Variants in NDST4 observed in about 807,000 individuals in gnomAD.
The protein encoded by NDST4 is N-deacetylase and N-sulfotransferase 4.
A neutral mutation model predicts 100.8 loss-of-function variants in NDST4; 63 were observed. That is an observed-to-expected ratio of 0.62 (90% CI 0.51 to 0.77). The LOEUF is 0.77. NDST4 is among the 30% of genes least tolerant of loss of function. The pLI is 0.00. For synonymous variants in NDST4, 377 were observed against 361.8 expected (o/e 1.04, Z -0.48); for missense variants, 943 against 1,018.4 (o/e 0.93, Z 1.01).
chr4:114,913,745 A>C (rs1333465766), intron 6 of NDST4, among the ~76,000 whole-genome samples: 3 of 137,302 alleles, frequency 2.2e-5, no homozygotes, highest in Admixed American at 7.1e-5. Context: ...AAAAAAAAAA[A>C]AAAAACACTT....
At chr4:115,062,917 A>G (rs1484046616) in intron 2 of NDST4, among the ~76,000 whole-genome samples, 1 of 151,936 alleles carries the variant, frequency 6.6e-6, no homozygotes. Flanking sequence ...TATGGTAGGA[A>G]CATATTTATA....
chr4:115,033,157 A>ATATATATATATTTT (rs1491126767), intron 2 of NDST4, among the ~76,000 whole-genome samples: 21 of 59,938 alleles, frequency 3.5e-4, no homozygotes, highest in African/African-American at 1.2e-3. Flanking sequence ...ATATATATAT[A>ATATATATATATTTT]TTTTTTTTTT....
At chr4:115,081,255 T>G (rs1729297061) in intron 1 of NDST4, among the ~76,000 whole-genome samples, 1 of 152,200 alleles carries the variant, frequency 6.6e-6, no homozygotes, top group South Asian at 2.1e-4. Flanking sequence ...GTAGGTGTTT[T>G]AACTAAAGGA....
At chr4:114,977,750 T>C (rs1033157897) in intron 2 of NDST4, among the ~76,000 whole-genome samples, 2 of 152,116 alleles carry the variant, frequency 1.3e-5, no homozygotes, top group Non-Finnish European at 2.9e-5. Flanking sequence ...ATTATTAAAT[T>C]GAAAGCTTGG....
chr4:114,888,875 AT>A (rs1724535238), intron 6 of NDST4, among the ~76,000 whole-genome samples: 1 of 151,758 alleles, frequency 6.6e-6, no homozygotes, highest in Non-Finnish European at 1.5e-5. Context: ...AGTCATTCTC[AT>A]TTTTTTTCTT....
chr4:114,942,893 T>A (rs1471364561), intron 4 of NDST4, among the ~76,000 whole-genome samples: 1 of 151,392 alleles, frequency 6.6e-6, no homozygotes, highest in Admixed American at 6.6e-5. Context: ...AAAGTACTCC[T>A]GATCAATGGT....
intron 7 of NDST4, among the ~76,000 whole-genome samples, chr4:114,867,664 GCA>G (rs1560786338): frequency 9.2e-4 from 24 of 26,070 alleles, no homozygotes; most frequent in Middle Eastern, 0.021. Context: ...AAAAAAAAAA[GCA>G]AAAAAAAAAA....
intron 2 of NDST4, among the ~76,000 whole-genome samples, chr4:115,042,065 T>C (rs191929705): frequency 6.6e-6 from 1 of 152,276 alleles, no homozygotes; most frequent in East Asian, 1.9e-4. Flanking sequence ...TATGGTTTCA[T>C]TTTCCATTTT....
intron 1 of NDST4, among the ~76,000 whole-genome samples, chr4:115,106,256 TA>T (rs1216224486): frequency 1.3e-5 from 2 of 152,156 alleles, no homozygotes; most frequent in Admixed American, 6.6e-5. Context: ...GGATCACAGA[TA>T]ACTGTTTCCT....
At chr4:114,981,407 C>T (rs1726770098) in intron 2 of NDST4, among the ~76,000 whole-genome samples, 1 of 151,980 alleles carries the variant, frequency 6.6e-6, no homozygotes, top group Non-Finnish European at 1.5e-5. Flanking sequence ...TTCTGGGGCC[C>T]ACTTCAGGAA....
At chr4:114,838,740 G>A (rs563701131) in intron 11 of NDST4, among the ~76,000 whole-genome samples, 3 of 151,054 alleles carry the variant, frequency 2.0e-5, no homozygotes, top group Non-Finnish European at 2.9e-5. Flanking sequence ...TGGGTGGAGC[G>A]AACCACCGTG....
intron 2 of NDST4, among the ~76,000 whole-genome samples, chr4:115,055,534 T>C (rs528983): frequency 0.16 from 23,906 of 152,132 alleles, 2,294 homozygotes; most frequent in East Asian, 0.46. Context: ...GTTTATTCAT[T>C]TGATAGCAAA....
chr4:114,963,743 AT>A (rs2126237376), intron 4 of NDST4, among the ~76,000 whole-genome samples: 1 of 152,348 alleles, frequency 6.6e-6, no homozygotes, highest in African/African-American at 2.4e-5. Context: ...TGAATTCAAT[AT>A]TTATGGCTTT....
At chr4:114,970,626 T>G (rs1392798460) in intron 3 of NDST4, 42 bp from the exon 4 acceptor site, 2 of 1,550,782 alleles carry the variant, frequency 1.3e-6, no homozygotes, top group Non-Finnish European at 1.8e-6. Flanking sequence ...TGAAAATTTC[T>G]TACTATCTTA....
intron 13 of NDST4, among the ~76,000 whole-genome samples, chr4:114,828,912 C>T (rs1043207251): frequency 2.6e-5 from 4 of 152,114 alleles, no homozygotes; most frequent in African/African-American, 9.7e-5. Context: ...CATCTTGGAA[C>T]GTTCACCAGG....
At chr4:114,908,599 C>T (rs1422700164) in intron 6 of NDST4, among the ~76,000 whole-genome samples, 3 of 151,990 alleles carry the variant, frequency 2.0e-5, no homozygotes, top group Non-Finnish European at 2.9e-5. Context: ...CTGCAGGGCA[C>T]TTGGGTGGTT....
At chr4:114,924,070 C>T (rs886992045) in intron 6 of NDST4, among the ~76,000 whole-genome samples, 1 of 152,016 alleles carries the variant, frequency 6.6e-6, no homozygotes, top group Non-Finnish European at 1.5e-5. Context: ...ATAAATCTCT[C>T]TCTTATTTCA....
intron 1 of NDST4, among the ~76,000 whole-genome samples, chr4:115,079,609 A>T (rs1344727869): frequency 1.3e-5 from 2 of 152,166 alleles, no homozygotes; most frequent in African/African-American, 4.8e-5. Flanking sequence ...TGTGATATAT[A>T]TATTTAAGAT....
chr4:114,991,945 T>G (rs1361504672), intron 2 of NDST4, among the ~76,000 whole-genome samples: 1 of 151,980 alleles, frequency 6.6e-6, no homozygotes, highest in Non-Finnish European at 1.5e-5. Flanking sequence ...GGCATATACC[T>G]TTTTATGTTT....
Sources: gnomAD v4.1 joint callset for allele counts (sites outside exome capture counted in the v4.1 genomes callset) on GRCh38, gnomAD v4.1.1 for gene constraint, MANE v1.5 for transcripts, NCBI Gene and HGNC (gene_info 2026-07-23, HGNC 2026-07-21) for gene names.